ATP7A: variants seen among roughly 807,000 people sequenced by gnomAD.
The protein encoded by ATP7A is ATPase copper transporting alpha, also known as copper-transporting ATPase 1.
In ATP7A, 7 loss-of-function variants were observed where a neutral mutation model predicts 83.5. The ratio of observed to expected loss-of-function variants is 0.08; its 90% confidence interval spans 0.05 to 0.16. The LOEUF is 0.16. Ranked by LOEUF, ATP7A falls within the 10% of genes least tolerant of loss-of-function variation. ATP7A has a pLI of 1.00. For missense variants in ATP7A, 940 were observed against 1,120.8 expected (o/e 0.84, Z 2.30); for synonymous variants, 354 against 395.2 (o/e 0.90, Z 1.24).
At chrX:77,919,650 G>T (rs1359466836) in intron 1 of ATP7A, among the ~76,000 whole-genome samples, 1 of 111,780 alleles carries the variant, frequency 8.9e-6, no homozygotes, top group Non-Finnish European at 1.9e-5. Context: ...GCCACCCCTG[G>T]CTAATTTTTG....
chrX:78,042,686 T>C lies in ATP7A; in HGVS notation c.3903T>C (p.Asp1301=), dbSNP rs782582761. 7.8e-5 allele frequency: 94 copies of C among 1,211,326 alleles called. No individual in the cohort carries two copies. Among genetic ancestry groups the C allele is most frequent in the Non-Finnish European group, 1.0e-4 (93 of 895,406 alleles). ...EEGKRVAMVG[D]GINDSPALAM... The stretch of plus-strand genomic sequence containing the variant: ...GGAAACGGGTAGCAATGGTGGGAGA[T>C]GGAATCAATGACTCCCCAGCTCTGG... Residue 1301 remains aspartate, a synonymous_variant, in exon 20 of 23, where the codon GAT becomes GAC. Coordinates refer to ENST00000341514, the MANE Select transcript of ATP7A (RefSeq NM_000052.7).
intron 1 of ATP7A, chrX:77,969,454 C>G (rs2077531878): frequency 1.7e-6 from 2 of 1,210,634 alleles, no homozygotes; most frequent in South Asian, 3.5e-5. Context: ...CCGGATCACT[C>G]TCTTCTGCAC....
chrX:78,028,333 C>G (rs1311152432), intron 14 of ATP7A, among the ~76,000 whole-genome samples: 2 of 110,820 alleles, frequency 1.8e-5, no homozygotes, highest in Non-Finnish European at 3.8e-5. Context: ...GGATTACAGG[C>G]ATGTGCCACC....
chrX:77,973,130 T>C (rs1349688560), intron 2 of ATP7A, among the ~76,000 whole-genome samples: 6 of 111,242 alleles, frequency 5.4e-5, no homozygotes, highest in Admixed American at 2.9e-4. Flanking sequence ...CCTTTTACAT[T>C]TTTACACCAT....
rs185137692 is a variant in ATP7A, at chrX:77,981,588, T to C, written c.121-6654T>C. ...ACTTTGGGAGGCCAAGGTGGGAGGA[T>C]TGCTTGAGACCAGGAGTTTGAGAAC... On this transcript the variant is annotated intron_variant, in intron 2 of 22. Coordinates refer to ENST00000341514, the MANE Select transcript of ATP7A (RefSeq NM_000052.7). Among the ~76,000 whole-genome samples the C allele has an allele frequency of 2.7e-5, 3 of 111,647 alleles. No individual in the cohort carries two copies. The East Asian group carries it at 8.4e-4, about 31-fold the overall frequency.
chrX:77,977,231 G>T (rs782518062), intron 2 of ATP7A, among the ~76,000 whole-genome samples: 1 of 111,942 alleles, frequency 8.9e-6, no homozygotes, highest in Non-Finnish European at 1.9e-5. Context: ...TATGACACAT[G>T]AATTTGATTT....
intron 18 of ATP7A, 35 bp from the exon 19 acceptor site, chrX:78,040,556 C>G (rs1446136300): frequency 1.7e-6 from 2 of 1,197,273 alleles, no homozygotes; most frequent in Non-Finnish European, 2.3e-6. Context: ...TCACTATATT[C>G]CAAGTTCTTT....
intron 18 of ATP7A, among the ~76,000 whole-genome samples, chrX:78,039,882 A>G (rs1402363020): frequency 8.9e-6 from 1 of 112,029 alleles, no homozygotes; most frequent in African/African-American, 3.2e-5. Context: ...AATCTTACAC[A>G]CTATAATCAT....
Position 78,042,705 on chromosome X carries a change from G to C in ATP7A, c.3922G>C (p.Ala1308Pro). The C allele has an allele frequency of 8.3e-7, 1 of 1,211,778 alleles. No homozygotes were observed. Among genetic ancestry groups the C allele is most frequent in the Non-Finnish European group, 1.1e-6 (1 of 895,565 alleles). ...GGGAGATGGAATCAATGACTCCCCAGCTCTGGCAATGGCTAATGTGGGAAT... is the reference window on the plus strand; with the variant it reads ...GGGAGATGGAATCAATGACTCCCCACCTCTGGCAATGGCTAATGTGGGAAT... Reference protein sequence around the residue: ...MVGDGINDSPALAMANVGIAI... With the variant: ...MVGDGINDSPPLAMANVGIAI... The change falls in exon 20 of 23, where the codon GCT (alanine) becomes CCT (proline). Residue 1308 changes from alanine (A) to proline (P), a missense_variant. By Grantham distance (27) the Ala-to-Pro change is conservative (BLOSUM62 -1). Around this residue, in one of 3 missense-constraint regions of ATP7A, gnomAD observed 386 missense variants for 502.2 expected, o/e 0.77. Coordinates refer to ENST00000341514, the MANE Select transcript of ATP7A (RefSeq NM_000052.7).
At chrX:78,002,759 G>A (rs868981843) in intron 5 of ATP7A, among the ~76,000 whole-genome samples, 1 of 104,660 alleles carries the variant, frequency 9.6e-6, no homozygotes, top group African/African-American at 3.5e-5. Flanking sequence ...CAAGTATTAT[G>A]AAGCAAGGTG....
At chrX:78,035,453 G>A (rs1432313006) in intron 17 of ATP7A, among the ~76,000 whole-genome samples, 2 of 111,213 alleles carry the variant, frequency 1.8e-5, no homozygotes, top group Non-Finnish European at 3.8e-5. Flanking sequence ...GAAAGCTATG[G>A]GCCCACCCCT....
At chrX:77,944,461 G>A (rs1603373984) in intron 1 of ATP7A, among the ~76,000 whole-genome samples, 1 of 111,151 alleles carries the variant, frequency 9.0e-6, no homozygotes, top group South Asian at 3.7e-4. Flanking sequence ...AATTTTTTTA[G>A]AGACAGGGTC....
chrX:77,932,124 C>A (rs1443276050), intron 1 of ATP7A, among the ~76,000 whole-genome samples: 5 of 104,241 alleles, frequency 4.8e-5, no homozygotes, highest in Non-Finnish European at 8.0e-5. Flanking sequence ...GGCTGCTGGG[C>A]GGAGGGGCTC....
chrX:78,014,659 T>C lies in ATP7A; in HGVS notation c.2407-3T>C. On this transcript the variant is annotated splice_region_variant and splice_polypyrimidine_tract_variant and intron_variant, in intron 10 of 22. Transcript: ENST00000341514. ...TTTTCAATGTGTTTGTTTTAATTTA[T>C]AGGGCAAAACATCAGAGGCTCTTGC... 8.3e-7 allele frequency: 1 copy of C among 1,200,793 alleles called. No homozygotes were observed. Among genetic ancestry groups the C allele is most frequent in the Non-Finnish European group, 1.1e-6 (1 of 886,635 alleles).
At chrX:77,973,008 C>T (rs2077557413) in intron 2 of ATP7A, among the ~76,000 whole-genome samples, 2 of 108,892 alleles carry the variant, frequency 1.8e-5, no homozygotes, top group Non-Finnish European at 1.9e-5. Flanking sequence ...CATGAAGTAC[C>T]TGTGGTTATC....
At chrX:77,934,892 A>C (rs1210817543) in intron 1 of ATP7A, among the ~76,000 whole-genome samples, 1 of 106,806 alleles carries the variant, frequency 9.4e-6, no homozygotes, top group Admixed American at 1.0e-4. Context: ...TCTGTTGCAC[A>C]GGCTGGAGTG....
At chrX:77,923,667 C>T (rs2077227224) in intron 1 of ATP7A, 1 of 107,786 alleles carries the variant, frequency 9.3e-6, no homozygotes, top group African/African-American at 3.4e-5. Flanking sequence ...ATTCATACCG[C>T]TTTCAAAAGA....
At chrX:77,969,433 G>A (rs1557229305) in intron 1 of ATP7A, 1 of 1,208,544 alleles carries the variant, frequency 8.3e-7, no homozygotes, top group African/African-American at 1.8e-5. Context: ...ATCTAGCACT[G>A]TCCAGAGGGT....
At chrX:78,006,058 T>A (rs2077773474) in intron 6 of ATP7A, among the ~76,000 whole-genome samples, 1 of 111,984 alleles carries the variant, frequency 8.9e-6, no homozygotes, top group South Asian at 3.7e-4. Flanking sequence ...TCGTAATGAG[T>A]AAAGCAAATT....
Sources: allele counts gnomAD v4.1 joint callset (sites outside exome capture counted in the v4.1 genomes callset), GRCh38; gene constraint gnomAD v4.1.1; regional missense constraint gnomAD v4.1.1; transcripts MANE v1.5; gene names NCBI Gene and HGNC (gene_info 2026-07-23, HGNC 2026-07-21).